The following HDAC9 variants were observed in gnomAD, a reference collection of about 807,000 sequenced individuals.
HDAC9 encodes the protein histone deacetylase 9.
In HDAC9, 41 loss-of-function variants were observed where a neutral mutation model predicts 139.4. That is an observed-to-expected ratio of 0.29 (90% CI 0.23 to 0.38). HDAC9 has a LOEUF of 0.38. HDAC9 is among the 10% of genes least tolerant of loss of function. The pLI is 1.00. For missense variants in HDAC9, 1,147 were observed against 1,297.0 expected (o/e 0.88, Z 1.78); for synonymous variants, 517 against 476.2 (o/e 1.09, Z -1.12).
chr7:18,577,178 A>G (rs544681584), intron 2 of HDAC9, among the ~76,000 whole-genome samples: 2 of 152,360 alleles, frequency 1.3e-5, no homozygotes, highest in South Asian at 4.1e-4. Context: ...GAGGGGTTGA[A>G]TAACTTGTCT....
chr7:18,180,263 A>ACACACCC (rs751720529), intron 2 of HDAC9, among the ~76,000 whole-genome samples: 1 of 149,542 alleles, frequency 6.7e-6, no homozygotes, highest in Admixed American at 6.6e-5. Flanking sequence ...ACACACACAC[A>ACACACCC]CACACACACA....
chr7:18,988,072 C>G (rs2129346883), intron 25 of HDAC9, among the ~76,000 whole-genome samples: 1 of 152,170 alleles, frequency 6.6e-6, no homozygotes, highest in South Asian at 2.1e-4. Context: ...TTCAGTTCTG[C>G]TCTGATTTTA....
chr7:18,936,539 T>C (rs528634444), intron 23 of HDAC9, among the ~76,000 whole-genome samples: 3 of 152,344 alleles, frequency 2.0e-5, no homozygotes, highest in Non-Finnish European at 4.4e-5. Context: ...CTGACTACTC[T>C]GCAGAATTCA....
At chr7:18,159,792 A>C (rs1787497232) in intron 1 of HDAC9, among the ~76,000 whole-genome samples, 1 of 152,224 alleles carries the variant, frequency 6.6e-6, no homozygotes, top group African/African-American at 2.4e-5. Flanking sequence ...ATTCATTTTC[A>C]TTAAAAGAGT....
chr7:18,296,365 CT>C (rs1164570961), intron 1 of HDAC9, among the ~76,000 whole-genome samples: 1 of 151,392 alleles, frequency 6.6e-6, no homozygotes, highest in Non-Finnish European at 1.5e-5. Context: ...AGATCTACGT[CT>C]TTAAAAATAA....
chr7:18,400,018 C>T (rs1166870117), intron 1 of HDAC9, among the ~76,000 whole-genome samples: 1 of 152,142 alleles, frequency 6.6e-6, no homozygotes, highest in East Asian at 1.9e-4. Flanking sequence ...CTATTCGCAT[C>T]AGAGCCCAAA....
At chr7:18,715,571 G>A (rs1010734129) in intron 12 of HDAC9, among the ~76,000 whole-genome samples, 1 of 152,090 alleles carries the variant, frequency 6.6e-6, no homozygotes, top group African/African-American at 2.4e-5. Context: ...TTAGTAAGAT[G>A]TTTTCTTGGA....
intron 22 of HDAC9, among the ~76,000 whole-genome samples, chr7:18,933,813 A>G (rs944407692): frequency 1.3e-5 from 2 of 152,200 alleles, no homozygotes; most frequent in Non-Finnish European, 2.9e-5. Context: ...AAGTATCATA[A>G]TGACCAATAA....
At position 19,000,284 on chromosome 7, in the gene HDAC9, CT is replaced by C. The variant is rs1387800843; in HGVS notation, c.*4224del. The stretch of plus-strand genomic sequence containing the variant: ...AAAGTATTATAATGTATCTTGTCAC[CT>C]TCATCAACACCACCATTAAATATGT... On this transcript the variant is annotated 3_prime_UTR_variant, in exon 26 of 26. Coordinates refer to ENST00000686413, the MANE Select transcript of HDAC9 (RefSeq NM_178425.4). 6.6e-6 allele frequency: 1 copy of C among 152,146 alleles called. No individual in the cohort carries two copies. Among genetic ancestry groups the C allele is most frequent in the Admixed American group, 6.5e-5 (1 of 15,282 alleles). 9.4% of individuals were successfully genotyped at this position (152,146 alleles called of 1,614,324 possible). A position where few individuals can be genotyped will look rare whatever the true frequency, so the allele number is the denominator to read the frequency against.
chr7:18,884,167 T>C (rs1042718956), intron 22 of HDAC9, among the ~76,000 whole-genome samples: 1 of 152,164 alleles, frequency 6.6e-6, no homozygotes, highest in Non-Finnish European at 1.5e-5. Context: ...AAATTCCCAA[T>C]GACATTTTTC....
chr7:18,986,381 A>C (rs1472410830), intron 25 of HDAC9, among the ~76,000 whole-genome samples: 2 of 47,634 alleles, frequency 4.2e-5, no homozygotes, highest in African/African-American at 1.7e-4. Context: ...AGATAGTTGT[A>C]GATATGTGGC....
At chr7:18,745,101 A>G (rs558010824) in intron 13 of HDAC9, among the ~76,000 whole-genome samples, 99 of 152,314 alleles carry the variant, frequency 6.5e-4, no homozygotes, top group Non-Finnish European at 1.0e-3. Flanking sequence ...ATGAATTGCA[A>G]AGAAAAGAGC....
intron 16 of HDAC9, among the ~76,000 whole-genome samples, chr7:18,771,664 A>G (rs1391505888): frequency 6.6e-6 from 1 of 152,066 alleles, no homozygotes; most frequent in Admixed American, 6.6e-5. Context: ...TAATTATTAC[A>G]CCACATTGGT....
chr7:18,206,647 T>G (rs949470330), intron 2 of HDAC9, among the ~76,000 whole-genome samples: 1 of 152,132 alleles, frequency 6.6e-6, no homozygotes, highest in East Asian at 1.9e-4. Context: ...TAAAGAATAA[T>G]AAGTTTGTTT....
At chr7:18,694,498 C>T (rs530116155) in intron 12 of HDAC9, among the ~76,000 whole-genome samples, 1 of 152,232 alleles carries the variant, frequency 6.6e-6, no homozygotes, top group South Asian at 2.1e-4. Flanking sequence ...TGGTCAAGAA[C>T]TGGTTTATCT....
At chr7:18,595,955 C>G (rs1220509386) in intron 6 of HDAC9, among the ~76,000 whole-genome samples, 3 of 151,914 alleles carry the variant, frequency 2.0e-5, no homozygotes, top group Non-Finnish European at 4.4e-5. Context: ...ATCCACAACA[C>G]AATTTAAAAA....
At chr7:18,222,218 A>T (rs994275832) in intron 2 of HDAC9, among the ~76,000 whole-genome samples, 11 of 152,182 alleles carry the variant, frequency 7.2e-5, no homozygotes, top group Non-Finnish European at 1.5e-5. Flanking sequence ...TCAAATACTA[A>T]TGGAAATGTT....
At chr7:18,329,444 C>T (rs1800733223) in intron 1 of HDAC9, among the ~76,000 whole-genome samples, 1 of 150,344 alleles carries the variant, frequency 6.7e-6, no homozygotes, top group Non-Finnish European at 1.5e-5. Flanking sequence ...TATTATTTGT[C>T]AGTTAAAATA....
chr7:18,232,687 A>G (rs1793543670), intron 2 of HDAC9, among the ~76,000 whole-genome samples: 1 of 152,242 alleles, frequency 6.6e-6, no homozygotes, highest in African/African-American at 2.4e-5. Context: ...AATATAGCAT[A>G]TTACACAAAT....
Sources: gnomAD v4.1 joint callset for allele counts (sites outside exome capture counted in the v4.1 genomes callset) on GRCh38, gnomAD v4.1.1 for gene constraint, MANE v1.5 for transcripts, NCBI Gene and HGNC (gene_info 2026-07-23, HGNC 2026-07-21) for gene names.